Variants in PHF3 observed in about 807,000 individuals in gnomAD.
PHF3 encodes the protein PHD finger protein 3.
A neutral mutation model predicts 178.4 loss-of-function variants in PHF3; 41 were observed. The observed-to-expected ratio is 0.23, with a 90% CI of 0.18 to 0.30. The LOEUF (loss-of-function observed/expected upper bound fraction) is 0.30, where lower values mean the gene tolerates loss of function less well. PHF3 is among the 10% of genes least tolerant of loss of function. The pLI, the probability that PHF3 is intolerant of heterozygous loss-of-function variation, is 1.00. For missense variants in PHF3, 2,346 were observed against 2,398.1 expected, an observed-to-expected ratio of 0.98 and a Z score of 0.45; for synonymous variants, 842 against 800.5, an observed-to-expected ratio of 1.05 and a Z score of -0.88.
chr6:63,693,824 T>A (rs1767111630), intron 5 of PHF3, among the ~76,000 whole-genome samples: 1 of 152,220 alleles, frequency 6.6e-6, no homozygotes, highest in African/African-American at 2.4e-5. Context: ...GCTTTTCTTA[T>A]CCCTAGATTT....
chr6:63,659,426 C>T (rs1027839917), intron 2 of PHF3, among the ~76,000 whole-genome samples: 1 of 152,126 alleles, frequency 6.6e-6, no homozygotes, highest in African/African-American at 2.4e-5. Flanking sequence ...TAGGCAGATG[C>T]AGCTTAAAAA....
intron 1 of PHF3, among the ~76,000 whole-genome samples, chr6:63,645,884 A>G (rs1222075349): frequency 6.6e-6 from 1 of 152,006 alleles, no homozygotes; most frequent in Non-Finnish European, 1.5e-5. Context: ...GGGGGCCTTG[A>G]AAAAAGGTGT....
rs142550749 is a variant in PHF3, at chr6:63,700,424, T to C, written c.3057T>C (p.Ala1019=). 8.9e-5 allele frequency: 143 copies of C among 1,602,996 alleles called. No homozygotes were observed. Among genetic ancestry groups the C allele is most frequent in the Middle Eastern group, 1.7e-4 (1 of 6,060 alleles). ...TCAGAATGAGTCCAGAAGAACTAGC[T>C]TCTAAAGAGTTAGCTGCTTGGAGAC... ...HLIRMSPEEL[A]SKELAAWRRR... Residue 1019 remains alanine, a synonymous_variant, in exon 9 of 16, where the codon GCT becomes GCC. Transcript: ENST00000262043.
chr6:63,691,085 A>G (rs1766978911), intron 4 of PHF3, among the ~76,000 whole-genome samples: 1 of 152,174 alleles, frequency 6.6e-6, no homozygotes, highest in Admixed American at 6.5e-5. Flanking sequence ...ATTAGTAAGG[A>G]AGTCCTTTGA....
chr6:63,698,415 A>G (rs763060149), intron 7 of PHF3, 34 bp from the exon 8 acceptor site: 16 of 1,585,262 alleles, frequency 1.0e-5, no homozygotes, highest in Non-Finnish European at 1.4e-5. Flanking sequence ...TGCTTTATAC[A>G]TTTGAAAAAT....
intron 2 of PHF3, among the ~76,000 whole-genome samples, chr6:63,670,938 A>C (rs1043284742): frequency 6.6e-6 from 1 of 151,904 alleles, no homozygotes; most frequent in African/African-American, 2.4e-5. Context: ...AAAATATGTG[A>C]TTCTCTAAGA....
chr6:63,684,429 C>CTAAGCA lies in PHF3; in HGVS notation c.712_717dup (p.His238_Lys239dup). 1 of 1,613,952 alleles carries CTAAGCA rather than the reference C, an allele frequency of 6.2e-7. No homozygotes were observed. Among genetic ancestry groups the CTAAGCA allele is most frequent in the South Asian group, 1.1e-5 (1 of 91,072 alleles). Reference sequence around the variant, plus strand: ...ATGAAGGATGAAGATGGATTAGATTCTAAGCATAAGTGTAATAATCCGGGA... The same window carrying CTAAGCA: ...ATGAAGGATGAAGATGGATTAGATTCTAAGCATAAGCATAAGTGTAATAATCCGGGA... On this transcript the variant is annotated inframe_insertion, in exon 4 of 16. Coordinates refer to ENST00000262043, the MANE Select transcript of PHF3 (RefSeq NM_001370348.2).
At chr6:63,668,024 A>G (rs1251920532) in intron 2 of PHF3, among the ~76,000 whole-genome samples, 2 of 152,206 alleles carry the variant, frequency 1.3e-5, no homozygotes, top group Non-Finnish European at 2.9e-5. Flanking sequence ...CAATATGAAA[A>G]TATTTATTTC....
chr6:63,685,811 A>G lies in PHF3; in HGVS notation c.2089A>G (p.Ile697Val), dbSNP rs532681704. 6 of 1,613,882 alleles carry G rather than the reference A, an allele frequency of 3.7e-6. No individual in the cohort carries two copies. The highest frequency in any genetic ancestry group is 3.3e-5 in the South Asian group (3 of 91,082). ...PLFIPDNIAT[I>V]RREGSDHSSS... Reference sequence around the variant, plus strand: ...GTTCATTCCAGATAACATAGCTACCATAAGAAGAGAAGGCTCTGATCATAG... The same window carrying G: ...GTTCATTCCAGATAACATAGCTACCGTAAGAAGAGAAGGCTCTGATCATAG... Residue 697 changes from isoleucine to valine, a missense_variant, in exon 4 of 16, where the codon ATA becomes GTA. Physicochemically the swap from Ile to Val is conservative, Grantham distance 29 (BLOSUM62 3). Around this residue, in one of 8 missense-constraint regions of PHF3, gnomAD observed 72 missense variants for 110.5 expected, o/e 0.65. Coordinates refer to ENST00000262043, the MANE Select transcript of PHF3 (RefSeq NM_001370348.2).
chr6:63,658,986 T>C lies in PHF3; in HGVS notation c.244+12191T>C, dbSNP rs542317194. Among the ~76,000 whole-genome samples the C allele has an allele frequency of 4.6e-5, 7 of 152,282 alleles. No homozygotes were observed. The South Asian group carries it at 1.2e-3, about 27-fold the overall frequency. On this transcript the variant is annotated intron_variant, in intron 2 of 15. Transcript: ENST00000262043. ...CTGAAGACCTTTACCTAATTGATTG[T>C]GGCTGACCCATATTGTGGAGAGTAA... is the stretch of plus-strand genomic sequence containing the variant.
At chr6:63,698,124 A>C (rs1315458133) in intron 6 of PHF3, 99 bp from the exon 7 acceptor site, 1 of 919,128 alleles carries the variant, frequency 1.1e-6, no homozygotes, top group Non-Finnish European at 1.6e-6. Context: ...TTATTTCTAA[A>C]TAGTGACTTT....
chr6:63,724,831 T>A lies in PHF3; in HGVS notation c.*11123T>A, dbSNP rs181006132. Among the ~76,000 whole-genome samples, 48 of 152,224 alleles carry A rather than the reference T, an allele frequency of 3.2e-4. No individual in the cohort carries two copies. The highest frequency in any genetic ancestry group is 6.8e-3 in the Middle Eastern group (2 of 294). On this transcript the variant is annotated 3_prime_UTR_variant, in exon 16 of 16. Coordinates refer to ENST00000262043, the MANE Select transcript of PHF3 (RefSeq NM_001370348.2). ...CCACATTGGCTGCTTTTATTAAAAT[T>A]TTTGGATTTTAACTTTGTGTATTGT...
intron 4 of PHF3, among the ~76,000 whole-genome samples, chr6:63,690,677 T>G (rs1468606131): frequency 6.6e-6 from 1 of 152,118 alleles, no homozygotes; most frequent in South Asian, 2.1e-4. Context: ...CCTAAATCCT[T>G]CTAAGTCTTT....
At position 63,720,494 on chromosome 6, in the gene PHF3, AAT is replaced by A. The variant is rs1768329812; in HGVS notation, c.*6790_*6791del. On this transcript the variant is annotated 3_prime_UTR_variant, in exon 16 of 16. Coordinates refer to ENST00000262043, the MANE Select transcript of PHF3 (RefSeq NM_001370348.2). Reference sequence around the variant, plus strand: ...TGTTAGCATTTAGACTATTTCAGGTAATATAGTAAACAGTTGATTCCCCGTAA... The same window carrying A: ...TGTTAGCATTTAGACTATTTCAGGTAATAGTAAACAGTTGATTCCCCGTAA... The A allele has an allele frequency of 1.3e-6, 1 of 786,828 alleles. No individual in the cohort carries two copies. The highest frequency in any genetic ancestry group is 1.9e-6 in the Non-Finnish European group (1 of 516,044). The allele number at this position is 786,828 out of a possible 1,614,324, so 48.7% of individuals were successfully genotyped here.
chr6:63,648,812 G>A (rs1043734187), intron 2 of PHF3, among the ~76,000 whole-genome samples: 5 of 152,072 alleles, frequency 3.3e-5, no homozygotes, highest in African/African-American at 1.2e-4. Context: ...CAGAATGTTT[G>A]TATTGGTATA....
intron 1 of PHF3, among the ~76,000 whole-genome samples, chr6:63,637,274 G>T (rs1764382544): frequency 6.6e-6 from 1 of 152,114 alleles, no homozygotes; most frequent in Admixed American, 6.5e-5. Flanking sequence ...TTACTATTTT[G>T]GGGTCGAACT....
intron 1 of PHF3, among the ~76,000 whole-genome samples, chr6:63,642,389 T>A (rs1764614126): frequency 6.6e-6 from 1 of 152,268 alleles, no homozygotes; most frequent in Non-Finnish European, 1.5e-5. Flanking sequence ...CTTATATGTT[T>A]ATGTCATTTT....
intron 2 of PHF3, among the ~76,000 whole-genome samples, chr6:63,667,323 TAA>T (rs1163491598): frequency 6.6e-6 from 1 of 152,332 alleles, no homozygotes; most frequent in African/African-American, 2.4e-5. Context: ...TTTTAAGCTT[TAA>T]AAAAATTTTT....
intron 4 of PHF3, among the ~76,000 whole-genome samples, chr6:63,689,030 T>C (rs1255180561): frequency 6.6e-6 from 1 of 152,236 alleles, no homozygotes; most frequent in Non-Finnish European, 1.5e-5. Context: ...AGATGTGATA[T>C]TAATCATAAG....
Sources: gnomAD v4.1 joint callset for allele counts (sites outside exome capture counted in the v4.1 genomes callset) on GRCh38, gnomAD v4.1.1 for gene constraint, gnomAD v4.1.1 regional missense constraint, MANE v1.5 for transcripts, NCBI Gene and HGNC (gene_info 2026-07-23, HGNC 2026-07-21) for gene names.